Variants in OGT observed in about 807,000 individuals in gnomAD.
OGT encodes O-linked N-acetylglucosamine (GlcNAc) transferase.
In OGT, 3 loss-of-function variants were observed where a neutral mutation model predicts 75.8. The observed-to-expected ratio is 0.04, with a 90% confidence interval of 0.02 to 0.10. OGT has a LOEUF of 0.10. OGT is among the 10% of genes least tolerant of loss of function. The pLI, the probability that OGT is intolerant of heterozygous loss-of-function variation, is 1.00. For synonymous variants in OGT, 257 were observed against 289.7 expected (o/e 0.89, Z 1.15); for missense variants, 260 against 824.4 (o/e 0.32, Z 8.38).
intron 6 of OGT, 127 bp from the exon 7 acceptor site, chrX:71,555,063 A>G: frequency 2.2e-6 from 1 of 464,796 alleles, no homozygotes; most frequent in Non-Finnish European, 3.4e-6. Context: ...AATTACAATT[A>G]CTTGATATAT....
intron 3 of OGT, among the ~76,000 whole-genome samples, chrX:71,540,480 G>A (rs1005114825): frequency 8.9e-6 from 1 of 111,756 alleles, no homozygotes; most frequent in Non-Finnish European, 1.9e-5. Flanking sequence ...GGTATCTTTG[G>A]TAACCTTGGT....
intron 14 of OGT, among the ~76,000 whole-genome samples, chrX:71,560,275 CAAAAAAAAAAA>C (rs764918597): frequency 4.4e-5 from 2 of 45,848 alleles, no homozygotes; most frequent in Non-Finnish European, 4.4e-5. Context: ...GACTCTGTCT[CAAAAAAAAAAA>C]AAAAAAAAGA....
At position 71,551,354 on chromosome X, in the gene OGT, G is replaced by A. The variant is rs144086986; in HGVS notation, c.649-3159G>A. Among the ~76,000 whole-genome samples, 654 of 112,558 alleles carry A rather than the reference G, an allele frequency of 5.8e-3. 5 individuals carry two copies. Among genetic ancestry groups the A allele is most frequent in the African/African-American group, 0.02 (621 of 30,998 alleles). ...TAATAGTGAAAGCATTTATTAGGCC[G>A]GGCTTGGTGGCTCACGCCTGTAATC... On this transcript the variant is annotated intron_variant, in intron 5 of 21. Coordinates refer to ENST00000373719, the MANE Select transcript of OGT (RefSeq NM_181672.3).
At chrX:71,549,165 G>T (rs187822832) in intron 5 of OGT, among the ~76,000 whole-genome samples, 268 of 107,378 alleles carry the variant, frequency 2.5e-3, no homozygotes, top group African/African-American at 8.5e-3. Flanking sequence ...GTGTGGCAGT[G>T]TGCTCCTGTA....
intron 3 of OGT, among the ~76,000 whole-genome samples, chrX:71,539,011 G>A (rs1358858097): frequency 8.9e-6 from 1 of 111,773 alleles, no homozygotes; most frequent in Non-Finnish European, 1.9e-5. Flanking sequence ...AAAAAACCAT[G>A]GACTCAGGGT....
At chrX:71,550,817 C>T (rs754452125) in intron 5 of OGT, among the ~76,000 whole-genome samples, 2 of 109,717 alleles carry the variant, frequency 1.8e-5, no homozygotes, top group South Asian at 7.7e-4. Context: ...AAAGTAGATA[C>T]TGTATTATGT....
At chrX:71,570,207 A>T (rs1283419221) in intron 21 of OGT, among the ~76,000 whole-genome samples, 2 of 105,251 alleles carry the variant, frequency 1.9e-5, no homozygotes, top group Non-Finnish European at 3.9e-5. Context: ...CATCCAGCTA[A>T]TTTTTGTATT....
intron 1 of OGT, among the ~76,000 whole-genome samples, chrX:71,535,125 G>GTTTT (rs762135465): frequency 1.1e-5 from 1 of 88,216 alleles, no homozygotes; most frequent in Non-Finnish European, 2.3e-5. Flanking sequence ...GTGACAAGCA[G>GTTTT]TTTTTTTTTT....
At chrX:71,538,162 A>G (rs2040193093) in intron 3 of OGT, 90 bp downstream of exon 3, 1 of 1,041,977 alleles carries the variant, frequency 9.6e-7, no homozygotes. Flanking sequence ...AGGTTTTCAC[A>G]TGGAATAAAG....
chrX:71,543,778 A>G (rs867906327), intron 3 of OGT, among the ~76,000 whole-genome samples: 12,843 of 92,749 alleles, frequency 0.14, 1,431 homozygotes, highest in African/African-American at 0.32. Flanking sequence ...ATATATATAT[A>G]TATATATATA....
intron 5 of OGT, among the ~76,000 whole-genome samples, chrX:71,548,411 G>T (rs1156909286): frequency 9.0e-6 from 1 of 111,312 alleles, no homozygotes; most frequent in Non-Finnish European, 1.9e-5. Flanking sequence ...TACTTAGCCT[G>T]AGTGACAGAG....
intron 2 of OGT, 145 bp from the exon 3 acceptor site, chrX:71,537,684 T>A (rs2040188814): frequency 1.6e-6 from 1 of 627,142 alleles, no homozygotes; most frequent in African/African-American, 2.2e-5. Context: ...ATTTCCCAAA[T>A]TTTTCTTGCT....
intron 5 of OGT, among the ~76,000 whole-genome samples, chrX:71,552,875 G>A (rs2040316309): frequency 9.0e-6 from 1 of 111,089 alleles, no homozygotes; most frequent in Non-Finnish European, 1.9e-5. Context: ...GTAAGTTGGA[G>A]TATAGATTAA....
At chrX:71,566,392 C>T (rs1271694441) in intron 19 of OGT, among the ~76,000 whole-genome samples, 3 of 111,750 alleles carry the variant, frequency 2.7e-5, no homozygotes, top group Admixed American at 9.5e-5. Flanking sequence ...CTCACAGTTC[C>T]GCGTGGCTAT....
intron 14 of OGT, among the ~76,000 whole-genome samples, chrX:71,560,817 A>G (rs901069990): frequency 9.0e-6 from 1 of 111,501 alleles, no homozygotes; most frequent in Non-Finnish European, 1.9e-5. Flanking sequence ...ATTGCAGTCT[A>G]AACTCTTCAG....
chrX:71,543,663 A>G (rs749846514), intron 3 of OGT, among the ~76,000 whole-genome samples: 2 of 108,542 alleles, frequency 1.8e-5, no homozygotes, highest in Admixed American at 1.0e-4. Context: ...TCCACTCTGG[A>G]AAATTTTCGG....
chrX:71,558,645 C>T (rs2040359735), intron 12 of OGT, among the ~76,000 whole-genome samples: 1 of 111,120 alleles, frequency 9.0e-6, no homozygotes, highest in Non-Finnish European at 1.9e-5. Context: ...GCATGAGCCA[C>T]TGCCCCCAGC....
chrX:71,561,583 G>A (rs1199968573), intron 14 of OGT, among the ~76,000 whole-genome samples, 192 bp from the exon 15 acceptor site: 1 of 111,071 alleles, frequency 9.0e-6, no homozygotes, highest in African/African-American at 3.3e-5. Flanking sequence ...TAATGCTTTG[G>A]GCCCATTTTA....
At chrX:71,557,159 G>T in intron 10 of OGT, 36 bp from the exon 11 acceptor site, 2 of 1,200,481 alleles carry the variant, frequency 1.7e-6, no homozygotes, top group Non-Finnish European at 2.3e-6. Flanking sequence ...TTAACTTTTG[G>T]AAATTTTTTA....
Sources: allele counts gnomAD v4.1 joint callset (sites outside exome capture counted in the v4.1 genomes callset), GRCh38; gene constraint gnomAD v4.1.1; transcripts MANE v1.5; gene names NCBI Gene and HGNC (gene_info 2026-07-23, HGNC 2026-07-21).